TRPM6: variants seen among roughly 807,000 people sequenced by gnomAD.
TRPM6 encodes the protein channel kinase 2.
TRPM6 carries 111 observed loss-of-function variants against 247.6 expected under a neutral mutation model. The observed-to-expected ratio is 0.45, with a 90% CI of 0.38 to 0.52. TRPM6 has a LOEUF of 0.52. TRPM6 is among the 20% of genes least tolerant of loss of function. The pLI is 0.00. For missense variants in TRPM6, 2,126 were observed against 2,421.5 expected (o/e 0.88, Z 2.56); for synonymous variants, 892 against 853.8 (o/e 1.04, Z -0.78).
chr9:74,803,308 A>T (rs1029167367), intron 15 of TRPM6, among the ~76,000 whole-genome samples: 1 of 151,958 alleles, frequency 6.6e-6, no homozygotes, highest in African/African-American at 2.4e-5. Context: ...ACACACACAC[A>T]CACACACACT....
chr9:74,816,125 G>C (rs1255297901), intron 11 of TRPM6, among the ~76,000 whole-genome samples: 1 of 152,190 alleles, frequency 6.6e-6, no homozygotes, highest in African/African-American at 2.4e-5. Context: ...GACCAAGGTA[G>C]CAAGATCATT....
At position 74,816,955 on chromosome 9, in the gene TRPM6, A is replaced by C; in HGVS notation, c.1144T>G (p.Phe382Val). 6.2e-7 allele frequency: 1 copy of C among 1,614,022 alleles called. No homozygotes were observed. The highest frequency in any genetic ancestry group is 1.1e-5 in the South Asian group (1 of 91,084). Residue 382 changes from phenylalanine (F) to valine (V), a missense_variant, in exon 10 of 39, where the codon TTT (phenylalanine) becomes GTT (valine). Transcript: ENST00000360774. ...TGCTGCTCTTCAGAGTCAGCATCAA[A>C]TATGGTAATCTACAACAGTGAAAAA... Reference protein sequence around the residue: ...CMVHRDCITIFDADSEEQQDL... With the variant: ...CMVHRDCITIVDADSEEQQDL...
Position 74,807,679 on chromosome 9 carries a change from T to C in TRPM6, c.1638+355A>G, listed in dbSNP as rs536160939. On this transcript the variant is annotated intron_variant, in intron 14 of 38. Transcript: ENST00000360774. ...ATCTAATCTGATTAAGCTTTTGATATCAGTATTTTCGGAAGAAAAAAAGAA... is the reference window on the plus strand; with the variant it reads ...ATCTAATCTGATTAAGCTTTTGATACCAGTATTTTCGGAAGAAAAAAAGAA... 1.1e-4 allele frequency among the ~76,000 whole-genome samples: 16 copies of C among 152,256 alleles called. No homozygotes were observed. The South Asian group carries it at 3.1e-3, about 30-fold the overall frequency.
At position 74,792,741 on chromosome 9, in the gene TRPM6, A is replaced by T. The variant is rs371489735; in HGVS notation, c.2421T>A (p.Asp807Glu). 21 of 1,613,776 alleles carry T rather than the reference A, an allele frequency of 1.3e-5. No individual in the cohort carries two copies. Among genetic ancestry groups the T allele is most frequent in the East Asian group, 2.2e-5 (1 of 44,886 alleles). ...VKEYDLERGH[D>E]EKLDENQHFG... ...AATGCTGATTTTCATCCAGTTTCTC[A>T]TCATGGCCCCTTTCCAAATCATACT... Residue 807 changes from aspartate to glutamate, a missense_variant, in exon 19 of 39, where the codon GAT becomes GAA. This residue lies in a region of TRPM6 where 1,082 missense variants were observed against 1,307.9 expected (regional missense o/e 0.83). Transcript: ENST00000360774.
At chr9:74,799,542 A>G (rs1189490629) in intron 17 of TRPM6, among the ~76,000 whole-genome samples, 1 of 116,402 alleles carries the variant, frequency 8.6e-6, no homozygotes, top group Non-Finnish European at 1.7e-5. Flanking sequence ...AAAAAAACAC[A>G]CACACATACA....
At chr9:74,854,909 G>A (rs1321956080) in intron 3 of TRPM6, among the ~76,000 whole-genome samples, 1 of 152,184 alleles carries the variant, frequency 6.6e-6, no homozygotes, top group African/African-American at 2.4e-5. Flanking sequence ...TCAAATCAGA[G>A]CTCAAGCAGT....
In TRPM6 at chr9:74,833,989, T is replaced by C. The variant is rs1464383893; in HGVS notation, c.669+9A>G. 2 of 1,613,942 alleles carry C rather than the reference T, an allele frequency of 1.2e-6. No individual in the cohort carries two copies. Among genetic ancestry groups the C allele is most frequent in the South Asian group, 1.1e-5 (1 of 91,076 alleles). On this transcript the variant is annotated intron_variant, in intron 6 of 38. Coordinates refer to ENST00000360774, the MANE Select transcript of TRPM6 (RefSeq NM_017662.5). ...GTTTGCTTTTGTTATGAAAGGATTGTCTACTTACATCTTTTCCAATAAGGT... is the reference window on the plus strand; with the variant it reads ...GTTTGCTTTTGTTATGAAAGGATTGCCTACTTACATCTTTTCCAATAAGGT...
intron 1 of TRPM6, among the ~76,000 whole-genome samples, chr9:74,881,131 CA>C (rs1171489576): frequency 2.0e-5 from 3 of 151,316 alleles, no homozygotes; most frequent in Non-Finnish European, 4.4e-5. Context: ...CCCATCTCTA[CA>C]AAAAAATTTT....
At chr9:74,809,186 A>G (rs771323967) in intron 13 of TRPM6, among the ~76,000 whole-genome samples, 4 of 152,124 alleles carry the variant, frequency 2.6e-5, no homozygotes, top group Non-Finnish European at 5.9e-5. Context: ...AACAAACAAA[A>G]CCATGAGGCT....
intron 1 of TRPM6, among the ~76,000 whole-genome samples, chr9:74,862,642 T>C (rs112501173): frequency 0.018 from 2,790 of 152,328 alleles, 76 homozygotes; most frequent in African/African-American, 0.062. Context: ...ATACATCTTA[T>C]ATGCACAGAC....
intron 3 of TRPM6, among the ~76,000 whole-genome samples, chr9:74,851,485 C>T (rs144328105): frequency 0.025 from 3,828 of 152,026 alleles, 146 homozygotes; most frequent in African/African-American, 0.084. Flanking sequence ...CAGTGGTTCA[C>T]GCCTGTAATC....
intron 6 of TRPM6, among the ~76,000 whole-genome samples, chr9:74,832,498 T>C (rs1829580274): frequency 6.6e-6 from 1 of 152,234 alleles, no homozygotes; most frequent in South Asian, 2.1e-4. Flanking sequence ...ATTTTTTAGA[T>C]ATAATAACTT....
intron 24 of TRPM6, among the ~76,000 whole-genome samples, chr9:74,772,544 C>T (rs1252143745): frequency 1.3e-5 from 2 of 152,170 alleles, no homozygotes; most frequent in African/African-American, 2.4e-5. Context: ...TAATTTGATA[C>T]ATTCATATAA....
At chr9:74,727,336 T>TG (rs962475109) in intron 38 of TRPM6, among the ~76,000 whole-genome samples, 4 of 143,228 alleles carry the variant, frequency 2.8e-5, no homozygotes, top group African/African-American at 1.1e-4. Context: ...GAGCTGAAAT[T>TG]GCGCCACTGT....
At position 74,820,285 on chromosome 9, in the gene TRPM6, A is replaced by G; in HGVS notation, c.1134+19T>C. On this transcript the variant is annotated intron_variant, in intron 9 of 38. Coordinates refer to ENST00000360774, the MANE Select transcript of TRPM6 (RefSeq NM_017662.5). ...TAGCAGTTCTTAAGTCAGTTGAATC[A>G]TCAACTCGTCATACTCACACAATCC... The G allele has an allele frequency of 6.2e-7, 1 of 1,611,524 alleles. No homozygotes were observed. The highest frequency in any genetic ancestry group is 8.5e-7 in the Non-Finnish European group (1 of 1,177,712).
At chr9:74,881,229 A>G (rs1831353730) in intron 1 of TRPM6, among the ~76,000 whole-genome samples, 1 of 152,196 alleles carries the variant, frequency 6.6e-6, no homozygotes, top group African/African-American at 2.4e-5. Flanking sequence ...AAAGTAAAGG[A>G]ATGGAAAAAG....
intron 25 of TRPM6, among the ~76,000 whole-genome samples, chr9:74,766,621 C>A (rs1564004445): frequency 1.3e-5 from 2 of 151,798 alleles, no homozygotes; most frequent in Admixed American, 6.6e-5. Flanking sequence ...TAGAAAAGAG[C>A]CTGGGTCAGC....
At position 74,761,822 on chromosome 9, in the gene TRPM6, G is replaced by A. The variant is rs1451390713; in HGVS notation, c.4673-14C>T. The A allele has an allele frequency of 1.9e-6, 3 of 1,590,814 alleles. No individual in the cohort carries two copies. In the Admixed American group the frequency reaches 5.0e-5, roughly 27 times the overall value. On this transcript the variant is annotated splice_polypyrimidine_tract_variant and intron_variant, in intron 26 of 38. Transcript: ENST00000360774. ...AGCCTGAAAGATCTGCAAGGAAATG[G>A]TCTACATGAGAAAGTTGACAACAGT...
chr9:74,807,689 C>T (rs12380414), intron 14 of TRPM6, among the ~76,000 whole-genome samples: 9,582 of 151,538 alleles, frequency 0.063, 399 homozygotes, highest in Middle Eastern at 0.11. Flanking sequence ...TCAGTATTTT[C>T]GGAAGAAAAA....
Sources: gnomAD v4.1 joint callset for allele counts (sites outside exome capture counted in the v4.1 genomes callset) on GRCh38, gnomAD v4.1.1 for gene constraint, gnomAD v4.1.1 regional missense constraint, MANE v1.5 for transcripts, NCBI Gene and HGNC (gene_info 2026-07-23, HGNC 2026-07-21) for gene names.